The following DYM variants were observed in gnomAD, a reference collection of about 807,000 sequenced individuals.
DYM encodes dyggve-Melchior-Clausen syndrome protein.
DYM carries 78 observed loss-of-function variants against 93.1 expected under a neutral mutation model. The observed-to-expected ratio is 0.84, with a 90% CI of 0.70 to 1.01. The LOEUF (loss-of-function observed/expected upper bound fraction) is 1.01. Ranked by LOEUF, DYM falls within the 50% of genes least tolerant of loss-of-function variation. DYM has a pLI of 0.00. For synonymous variants in DYM, 321 were observed against 319.7 expected (o/e 1.00, Z -0.04); for missense variants, 789 against 845.0 (o/e 0.93, Z 0.82).
chr18:49,181,750 G>T (rs2145486749), intron 14 of DYM, among the ~76,000 whole-genome samples: 1 of 152,186 alleles, frequency 6.6e-6, no homozygotes, highest in South Asian at 2.1e-4. Context: ...CATTTTTGTT[G>T]ATCTTCTCAA....
At chr18:49,385,763 A>G (rs1333770439) in intron 3 of DYM, among the ~76,000 whole-genome samples, 1 of 151,960 alleles carries the variant, frequency 6.6e-6, no homozygotes, top group African/African-American at 2.4e-5. Flanking sequence ...ATAAAGCTAA[A>G]CACAAAAAGC....
intron 17 of DYM, among the ~76,000 whole-genome samples, chr18:49,079,390 ATTCT>A (rs1481319476): frequency 1.3e-5 from 2 of 150,868 alleles, no homozygotes; most frequent in African/African-American, 2.4e-5. Flanking sequence ...CATTGTAGAG[ATTCT>A]TTTTTTTTTT....
chr18:49,138,811 G>A (rs1276879709), intron 15 of DYM, among the ~76,000 whole-genome samples: 1 of 152,156 alleles, frequency 6.6e-6, no homozygotes. Context: ...GATTTAGACT[G>A]AGACCTGAAT....
At chr18:49,365,924 TAAG>T (rs1465372928) in intron 5 of DYM, among the ~76,000 whole-genome samples, 8 of 152,172 alleles carry the variant, frequency 5.3e-5, no homozygotes, top group Non-Finnish European at 1.2e-4. Flanking sequence ...TTGGGTCAAT[TAAG>T]GAGTATACAC....
intron 8 of DYM, among the ~76,000 whole-genome samples, chr18:49,322,081 A>G (rs188462441): frequency 2.0e-5 from 3 of 152,292 alleles, no homozygotes; most frequent in Admixed American, 2.0e-4. Context: ...CAAAAACAGA[A>G]ATTAGGAATA....
At chr18:49,104,694 T>C (rs1341233431) in intron 16 of DYM, among the ~76,000 whole-genome samples, 4 of 152,198 alleles carry the variant, frequency 2.6e-5, no homozygotes, top group African/African-American at 7.2e-5. Flanking sequence ...ATTGGTTCTG[T>C]TTATATGCTG....
chr18:49,377,107 C>T (rs565772775), intron 5 of DYM, among the ~76,000 whole-genome samples: 17 of 152,274 alleles, frequency 1.1e-4, no homozygotes, highest in Admixed American at 3.9e-4. Context: ...CATGTCATTT[C>T]ATTTGCTCAA....
chr18:49,197,765 T>C (rs536825112), intron 14 of DYM, among the ~76,000 whole-genome samples: 6 of 152,158 alleles, frequency 3.9e-5, no homozygotes, highest in African/African-American at 7.2e-5. Context: ...TCCATGCTCA[T>C]GGGTAGGAAG....
At chr18:49,250,402 G>A (rs1419992374) in intron 13 of DYM, among the ~76,000 whole-genome samples, 1 of 152,192 alleles carries the variant, frequency 6.6e-6, no homozygotes, top group East Asian at 1.9e-4. Flanking sequence ...AAAGAAGCCA[G>A]GTAACCATAT....
intron 8 of DYM, among the ~76,000 whole-genome samples, chr18:49,319,092 A>G (rs1369209720): frequency 3.3e-5 from 5 of 152,156 alleles, no homozygotes; most frequent in Non-Finnish European, 5.9e-5. Flanking sequence ...GGCGTGAGCC[A>G]CGCAACCGGC....
intron 3 of DYM, chr18:49,391,315 T>C (rs2069227623): frequency 2.6e-6 from 1 of 382,548 alleles, no homozygotes; most frequent in South Asian, 2.7e-5. Context: ...AATCACATTA[T>C]TTTCAGTATT....
chr18:49,378,808 T>A, intron 4 of DYM, 108 bp from the exon 5 acceptor site: 1 of 1,109,974 alleles, frequency 9.0e-7, no homozygotes, highest in Non-Finnish European at 1.3e-6. Context: ...TCCATCCTAT[T>A]GGTAATATTA....
chr18:49,292,355 GACACACACACACACACAC>G (rs57025579), intron 8 of DYM, among the ~76,000 whole-genome samples: 11 of 84,744 alleles, frequency 1.3e-4, no homozygotes, highest in African/African-American at 3.3e-4. Context: ...CAGACAGACA[GACACACACACACACACAC>G]ACACACACAC....
chr18:49,049,474 G>A (rs1414053616), intron 17 of DYM, among the ~76,000 whole-genome samples: 2 of 152,172 alleles, frequency 1.3e-5, no homozygotes, highest in Non-Finnish European at 2.9e-5. Context: ...TCACATCCTT[G>A]CTCAGATCAG....
At position 49,127,699 on chromosome 18, in the gene DYM, T is replaced by C. The variant is rs548680576; in HGVS notation, c.1729-8773A>G. 3.5e-4 allele frequency among the ~76,000 whole-genome samples: 53 copies of C among 152,356 alleles called. No individual in the cohort carries two copies. In the Middle Eastern group the frequency reaches 0.014, roughly 39 times the overall value. On this transcript the variant is annotated intron_variant, in intron 15 of 17. Coordinates refer to ENST00000675505, the MANE Select transcript of DYM (RefSeq NM_001353214.3). ...CTTGGTGACAGACTCTTGTTATCTT[T>C]ACGTTGCTAATTCACTGGTGCACAC...
At chr18:49,057,159 G>T (rs1006536889) in intron 17 of DYM, among the ~76,000 whole-genome samples, 4 of 152,188 alleles carry the variant, frequency 2.6e-5, no homozygotes, top group Non-Finnish European at 5.9e-5. Flanking sequence ...CATGTGATCT[G>T]AACTTTTTTT....
Position 49,434,304 on chromosome 18 carries a change from G to T in DYM, c.-53-3857C>A, listed in dbSNP as rs930761667. Reference sequence around the variant, plus strand: ...GGAGGTTGCAGTGAGCTGAGATCTTGCCACTACACTCCAGCCTGGGCAACA... The same window carrying T: ...GGAGGTTGCAGTGAGCTGAGATCTTTCCACTACACTCCAGCCTGGGCAACA... On this transcript the variant is annotated intron_variant, in intron 1 of 17. Coordinates refer to ENST00000675505, the MANE Select transcript of DYM (RefSeq NM_001353214.3). Among the ~76,000 whole-genome samples, 8 of 149,106 alleles carry T rather than the reference G, an allele frequency of 5.4e-5. No homozygotes were observed. In the East Asian group the frequency reaches 6.0e-4, roughly 11 times the overall value.
At chr18:49,413,694 A>G (rs568052799) in intron 2 of DYM, among the ~76,000 whole-genome samples, 3 of 152,326 alleles carry the variant, frequency 2.0e-5, no homozygotes, top group Non-Finnish European at 2.9e-5. Flanking sequence ...AGGAAATTAC[A>G]TCATGGATTA....
Position 49,193,469 on chromosome 18 carries a change from G to C in DYM, c.1625+16082C>G, listed in dbSNP as rs114080182. On this transcript the variant is annotated intron_variant, in intron 14 of 17. Coordinates refer to ENST00000675505, the MANE Select transcript of DYM (RefSeq NM_001353214.3). ...CCCTCCTGGAACACGTGTGATGCCA[G>C]TTTAAGATCAATACAAGAATAGTCA... 2.6e-3 allele frequency among the ~76,000 whole-genome samples: 397 copies of C among 152,314 alleles called. 4 individuals are homozygous for C. The highest frequency in any genetic ancestry group is 9.4e-3 in the African/African-American group (389 of 41,574).
Sources: allele counts gnomAD v4.1 joint callset (sites outside exome capture counted in the v4.1 genomes callset), GRCh38; gene constraint gnomAD v4.1.1; transcripts MANE v1.5; gene names NCBI Gene and HGNC (gene_info 2026-07-23, HGNC 2026-07-21).